The following PDE4D variants were observed in gnomAD, a reference collection of about 807,000 sequenced individuals.
The protein encoded by PDE4D is 3',5'-cyclic-AMP phosphodiesterase 4D.
PDE4D carries 24 observed loss-of-function variants against 87.4 expected under a neutral mutation model. The ratio of observed to expected loss-of-function variants is 0.27; its 90% CI spans 0.20 to 0.39. The LOEUF (loss-of-function observed/expected upper bound fraction) is 0.39, where lower values mean the gene tolerates loss of function less well. PDE4D is among the 10% of genes least tolerant of loss of function. The probability of loss-of-function intolerance (pLI) is 1.00; values close to 1 mark genes in which losing one functional copy is unlikely to be tolerated. For missense variants in PDE4D, 714 were observed against 1,041.0 expected, an observed-to-expected ratio of 0.69 and a Z score of 4.32; for synonymous variants, 384 against 383.2, an observed-to-expected ratio of 1.00 and a Z score of -0.02.
chr5:60,077,524 T>A (rs941511494), intron 2 of PDE4D, among the ~76,000 whole-genome samples: 1 of 152,116 alleles, frequency 6.6e-6, no homozygotes, highest in Non-Finnish European at 1.5e-5. Flanking sequence ...TGCAAGCACC[T>A]GCAGCCAGGC....
In PDE4D at chr5:59,379,449, T is replaced by C. The variant is rs144968474; in HGVS notation, c.456-163481A>G. On this transcript the variant is annotated intron_variant, in intron 1 of 14. Transcript: ENST00000340635. Reference sequence around the variant, plus strand: ...AAAATCATCTATACCGAGAGGCAACTTGTAAATCTGGCTCATTTTCTTTAT... The same window carrying C: ...AAAATCATCTATACCGAGAGGCAACCTGTAAATCTGGCTCATTTTCTTTAT... 2.3e-3 allele frequency among the ~76,000 whole-genome samples: 350 copies of C among 152,238 alleles called. 1 individual carries two copies. Among genetic ancestry groups the C allele is most frequent in the African/African-American group, 8.2e-3 (342 of 41,556 alleles).
intron 5 of PDE4D, among the ~76,000 whole-genome samples, chr5:59,128,675 A>T (rs1321746340): frequency 6.6e-6 from 1 of 152,222 alleles, no homozygotes; most frequent in Non-Finnish European, 1.5e-5. Context: ...TGACACAAAC[A>T]CATCAGAATT....
chr5:60,427,482 T>C (rs1743824207), intron 1 of PDE4D, among the ~76,000 whole-genome samples: 2 of 151,928 alleles, frequency 1.3e-5, no homozygotes, highest in Non-Finnish European at 2.9e-5. Context: ...TCTTCAAAAA[T>C]GGGAAGAAAA....
chr5:60,018,594 C>G (rs1447366309), intron 2 of PDE4D, among the ~76,000 whole-genome samples: 1 of 152,134 alleles, frequency 6.6e-6, no homozygotes, highest in Non-Finnish European at 1.5e-5. Context: ...TCAAGGGACT[C>G]ATCTCATGTG....
At chr5:59,364,418 G>A (rs1782718884) in intron 1 of PDE4D, among the ~76,000 whole-genome samples, 1 of 152,208 alleles carries the variant, frequency 6.6e-6, no homozygotes, top group African/African-American at 2.4e-5. Context: ...TAAAAATGTA[G>A]AAGTAAATTT....
Position 59,435,729 on chromosome 5 carries a change from T to C in PDE4D, c.456-219761A>G, listed in dbSNP as rs548090430. Reference sequence around the variant, plus strand: ...TGCTTATTGAACAAGATAGCTGAAATTGTAAGGTCCTGATGCTCCAAAGAA... The same window carrying C: ...TGCTTATTGAACAAGATAGCTGAAACTGTAAGGTCCTGATGCTCCAAAGAA... On this transcript the variant is annotated intron_variant, in intron 1 of 14. Transcript: ENST00000340635. Among the ~76,000 whole-genome samples, 95 of 152,270 alleles carry C rather than the reference T, an allele frequency of 6.2e-4. 1 individual carries two copies. Among genetic ancestry groups the C allele is most frequent in the African/African-American group, 2.2e-3 (93 of 41,552 alleles).
At chr5:59,278,468 G>C (rs1158229877) in intron 1 of PDE4D, among the ~76,000 whole-genome samples, 1 of 151,940 alleles carries the variant, frequency 6.6e-6, no homozygotes, top group Non-Finnish European at 1.5e-5. Context: ...TTACTTTCTG[G>C]TTGTTACCAC....
intron 1 of PDE4D, among the ~76,000 whole-genome samples, chr5:59,674,240 G>A (rs1441482794): frequency 1.3e-5 from 2 of 152,198 alleles, no homozygotes; most frequent in East Asian, 3.9e-4. Context: ...AATAGGATAA[G>A]ATATGCTTGC....
At chr5:59,260,209 C>A (rs796771318) in intron 1 of PDE4D, among the ~76,000 whole-genome samples, 64 of 151,900 alleles carry the variant, frequency 4.2e-4, no homozygotes, top group African/African-American at 1.5e-3. Context: ...TGTAAAGCAA[C>A]TATTTATTCA....
intron 6 of PDE4D, among the ~76,000 whole-genome samples, chr5:59,002,654 G>A (rs1395523548): frequency 1.3e-5 from 2 of 152,148 alleles, no homozygotes; most frequent in Non-Finnish European, 2.9e-5. Flanking sequence ...AGCCAGACCT[G>A]AGGGGCAAGA....
Position 59,329,771 on chromosome 5 carries a change from G to T in PDE4D, c.456-113803C>A, listed in dbSNP as rs1373219950. Reference sequence around the variant, plus strand: ...TAGATCAGTGCCTGAAACATAGTAGGTATTCAAAAATATTTATAGAATAAA... The same window carrying T: ...TAGATCAGTGCCTGAAACATAGTAGTTATTCAAAAATATTTATAGAATAAA... On this transcript the variant is annotated intron_variant, in intron 1 of 14. Coordinates refer to ENST00000340635, the MANE Select transcript of PDE4D (RefSeq NM_001104631.2). Among the ~76,000 whole-genome samples the T allele has an allele frequency of 2.0e-5, 3 of 152,234 alleles. No individual in the cohort carries two copies. The East Asian group carries it at 5.8e-4, about 29-fold the overall frequency.
chr5:60,238,657 G>A (rs115132376), intron 1 of PDE4D, among the ~76,000 whole-genome samples: 105 of 151,680 alleles, frequency 6.9e-4, no homozygotes, highest in African/African-American at 2.2e-3. Flanking sequence ...TTTTTCTGTC[G>A]ATTGTTTGTT....
chr5:60,410,894 C>T (rs1243908522), intron 1 of PDE4D, among the ~76,000 whole-genome samples: 2 of 152,216 alleles, frequency 1.3e-5, no homozygotes, highest in Admixed American at 6.5e-5. Context: ...GGGAGAGACA[C>T]TGTTCTTACT....
At chr5:59,588,492 C>T (rs973683516) in intron 1 of PDE4D, among the ~76,000 whole-genome samples, 1 of 152,094 alleles carries the variant, frequency 6.6e-6, no homozygotes, top group African/African-American at 2.4e-5. Flanking sequence ...AAATGGAATA[C>T]CGGCAACATT....
chr5:59,167,784 A>G lies in PDE4D; in HGVS notation c.808+12811T>C, dbSNP rs185411619. 3.1e-3 allele frequency among the ~76,000 whole-genome samples: 479 copies of G among 152,202 alleles called. 2 individuals carry two copies. Among genetic ancestry groups the G allele is most frequent in the African/African-American group, 0.011 (460 of 41,516 alleles). ...ACATTTTAGCTTTTTAAGTTCCACA[A>G]ACCTCTAGAGTAATGGTCCTGAAGC... On this transcript the variant is annotated intron_variant, in intron 5 of 14. Coordinates refer to ENST00000340635, the MANE Select transcript of PDE4D (RefSeq NM_001104631.2).
intron 1 of PDE4D, among the ~76,000 whole-genome samples, chr5:59,472,955 C>A (rs968714355): frequency 1.3e-5 from 2 of 151,756 alleles, no homozygotes; most frequent in Non-Finnish European, 2.9e-5. Context: ...TCTCTTTAAT[C>A]CCATCAGACA....
chr5:59,266,774 T>G (rs1762926230), intron 1 of PDE4D, among the ~76,000 whole-genome samples: 1 of 152,072 alleles, frequency 6.6e-6, no homozygotes, highest in Non-Finnish European at 1.5e-5. Flanking sequence ...AGTAGCAGCT[T>G]GTTGACTACT....
chr5:59,356,144 T>C (rs1398561715), intron 1 of PDE4D, among the ~76,000 whole-genome samples: 1 of 152,246 alleles, frequency 6.6e-6, no homozygotes, highest in Non-Finnish European at 1.5e-5. Context: ...CAATATTTTT[T>C]AAGTGTTTTC....
chr5:59,893,810 G>A (rs1394304537), upstream of PDE4D: 17 of 1,331,214 alleles, frequency 1.3e-5, no homozygotes, highest in Admixed American at 6.3e-4. Flanking sequence ...GCCAGCGGGA[G>A]GGGTCACAGA....
Sources: allele counts gnomAD v4.1 joint callset (sites outside exome capture counted in the v4.1 genomes callset), GRCh38; gene constraint gnomAD v4.1.1; transcripts MANE v1.5; gene names NCBI Gene and HGNC (gene_info 2026-07-23, HGNC 2026-07-21).